The following ATRX variants were observed in gnomAD, a reference collection of about 807,000 sequenced individuals.
ATRX encodes the protein chromatin remodeler ATRX.
In ATRX, 12 loss-of-function variants were observed where a neutral mutation model predicts 172.6. The observed-to-expected ratio is 0.07, with a 90% confidence interval of 0.04 to 0.11. The LOEUF (loss-of-function observed/expected upper bound fraction) is 0.11. Ranked by LOEUF, ATRX falls within the 10% of genes least tolerant of loss-of-function variation. The pLI is 1.00. For missense variants in ATRX, 1,368 were observed against 1,767.4 expected, an observed-to-expected ratio of 0.77 and a Z score of 4.05; for synonymous variants, 674 against 594.7, an observed-to-expected ratio of 1.13 and a Z score of -1.94.
At chrX:77,582,763 T>C (rs2065872061) in intron 27 of ATRX, among the ~76,000 whole-genome samples, 2 of 111,897 alleles carry the variant, frequency 1.8e-5, no homozygotes, top group South Asian at 7.4e-4. Flanking sequence ...GATAAATTTC[T>C]AGACACACAC....
Position 77,599,432 on chromosome X carries a change from CAGA to C in ATRX, c.5932_5934del (p.Ser1978del), listed in dbSNP as rs1329663332. The C allele has an allele frequency of 6.6e-6, 8 of 1,208,673 alleles. No individual in the cohort carries two copies. The African/African-American group carries it at 1.4e-4, about 21-fold the overall frequency. ...TCACTTTCTTCCAGTTTTAAAGAAA[CAGA>C]AGGATTGTTTCCTGTTTCATCCACA... On this transcript the variant is annotated inframe_deletion, in exon 25 of 35. Coordinates refer to ENST00000373344, the MANE Select transcript of ATRX (RefSeq NM_000489.6).
chrX:77,515,820 C>T (rs1381383570), intron 34 of ATRX, among the ~76,000 whole-genome samples: 3 of 111,805 alleles, frequency 2.7e-5, no homozygotes, highest in African/African-American at 6.5e-5. Flanking sequence ...AAAGCTGAGC[C>T]CAGATCTCAG....
At chrX:77,746,340 G>C (rs1362985126) in intron 1 of ATRX, among the ~76,000 whole-genome samples, 2 of 110,964 alleles carry the variant, frequency 1.8e-5, no homozygotes, top group Non-Finnish European at 3.8e-5. Flanking sequence ...ATTCCTTTGA[G>C]AATGTTTAGA....
chrX:77,692,100 C>T (rs1458410748), intron 6 of ATRX, among the ~76,000 whole-genome samples: 1 of 111,692 alleles, frequency 9.0e-6, no homozygotes, highest in African/African-American at 3.3e-5. Context: ...AGCCCTTATC[C>T]ACATTTCAGA....
chrX:77,648,763 T>A (rs1784162592), intron 15 of ATRX, among the ~76,000 whole-genome samples: 1 of 108,837 alleles, frequency 9.2e-6, no homozygotes, highest in East Asian at 2.9e-4. Flanking sequence ...ATAAACAAAT[T>A]TACATAAATA....
intron 22 of ATRX, among the ~76,000 whole-genome samples, chrX:77,610,035 A>G (rs1419541439): frequency 8.9e-6 from 1 of 112,126 alleles, no homozygotes; most frequent in Non-Finnish European, 1.9e-5. Flanking sequence ...CTTGAGATGG[A>G]TACCTCATTT....
At chrX:77,541,368 C>G (rs2063986734) in intron 30 of ATRX, among the ~76,000 whole-genome samples, 1 of 112,030 alleles carries the variant, frequency 8.9e-6, no homozygotes, top group Non-Finnish European at 1.9e-5. Flanking sequence ...GATGGATTCA[C>G]AGCTGAATTC....
chrX:77,599,613 ACATT>A, intron 24 of ATRX, 33 bp from the exon 25 acceptor site: 2 of 1,202,960 alleles, frequency 1.7e-6, no homozygotes, highest in Non-Finnish European at 2.3e-6. Context: ...ACAAAAAAAC[ACATT>A]CAGATTGTTA....
chrX:77,606,842 A>G (rs1298409230), intron 22 of ATRX, among the ~76,000 whole-genome samples: 2 of 111,153 alleles, frequency 1.8e-5, no homozygotes, highest in African/African-American at 6.5e-5. Flanking sequence ...ATGGAAATCA[A>G]TCAATGTGAT....
chrX:77,773,711 G>A (rs782803498), intron 1 of ATRX, among the ~76,000 whole-genome samples: 175 of 108,773 alleles, frequency 1.6e-3, no homozygotes, highest in Middle Eastern at 4.7e-3. Flanking sequence ...GAGATCGCAC[G>A]TCTGCACACC....
At chrX:77,546,995 G>A (rs1363821809) in intron 30 of ATRX, among the ~76,000 whole-genome samples, 1 of 111,891 alleles carries the variant, frequency 8.9e-6, no homozygotes, top group Non-Finnish European at 1.9e-5. Context: ...ATAGAGTGAT[G>A]AAGATGCATT....
At chrX:77,740,002 G>A (rs1400611748) in intron 1 of ATRX, among the ~76,000 whole-genome samples, 5 of 92,727 alleles carry the variant, frequency 5.4e-5, no homozygotes, top group African/African-American at 1.6e-4. Flanking sequence ...TTAGTGAGCC[G>A]AGATTGCGCC....
At chrX:77,549,979 TG>T in intron 30 of ATRX, among the ~76,000 whole-genome samples, 1 of 111,236 alleles carries the variant, frequency 9.0e-6, no homozygotes. Flanking sequence ...TGAAATGAAA[TG>T]AAATGAAATA....
intron 1 of ATRX, among the ~76,000 whole-genome samples, chrX:77,755,853 C>G (rs782372804): frequency 8.9e-6 from 1 of 112,249 alleles, no homozygotes; most frequent in East Asian, 2.8e-4. Context: ...TAGCAGAGCT[C>G]AAGTGCTGTG....
At position 77,616,203 on chromosome X, in the gene ATRX, G is replaced by C. The variant is rs781908381; in HGVS notation, c.5566+410C>G. 269 of 833,310 alleles carry C rather than the reference G, an allele frequency of 3.2e-4. No homozygotes were observed. The African/African-American group carries it at 5.5e-3, about 17-fold the overall frequency. 68.7% of individuals were successfully genotyped at this position (833,310 alleles called of 1,213,427 possible). A position where few individuals can be genotyped will look rare whatever the true frequency, so the allele number is the denominator to read the frequency against. ...ATGCCTTGCCTTCTATTTTACTTTTGCCTTCAACCTTTGTTAATTAAATAA... is the reference window on the plus strand; with the variant it reads ...ATGCCTTGCCTTCTATTTTACTTTTCCCTTCAACCTTTGTTAATTAAATAA... On this transcript the variant is annotated intron_variant, in intron 22 of 34. Transcript: ENST00000373344.
rs781998180 is a variant in ATRX at position 77,681,551 on chromosome X, C to T, written c.3705G>A (p.Leu1235=). 8.3e-7 allele frequency: 1 copy of T among 1,210,145 alleles called. No individual in the cohort carries two copies. The highest frequency in any genetic ancestry group is 2.2e-5 in the Admixed American group (1 of 45,815). ...ATTGGCAAAATCCAGTATGTGAAGA[C>T]AGCACTAAATTTTCAGTCACAGGCT... The part of the protein sequence containing the change: ...KIKPVTENLV[L]SSHTGFCQSS... The change falls in exon 9 of 35, where the codon CTG becomes CTA. Residue 1235 remains leucine (L), a synonymous_variant. Coordinates refer to ENST00000373344, the MANE Select transcript of ATRX (RefSeq NM_000489.6).
At chrX:77,518,788 A>G (rs1195840317) in intron 34 of ATRX, among the ~76,000 whole-genome samples, 1 of 112,091 alleles carries the variant, frequency 8.9e-6, no homozygotes, top group African/African-American at 3.2e-5. Context: ...ACAGCATGGT[A>G]CTGGCATAAA....
At chrX:77,777,291 G>C (rs868971589) in intron 1 of ATRX, among the ~76,000 whole-genome samples, 1 of 105,402 alleles carries the variant, frequency 9.5e-6, no homozygotes, top group African/African-American at 3.5e-5. Context: ...TGAGGCATGA[G>C]AATCGCTTGA....
chrX:77,591,200 C>CCCT (rs2066235559), intron 26 of ATRX, among the ~76,000 whole-genome samples: 3 of 111,695 alleles, frequency 2.7e-5, no homozygotes, highest in African/African-American at 9.7e-5. Context: ...TGTTACTGTT[C>CCCT]CCTTACCCTC....
Sources: allele counts gnomAD v4.1 joint callset (sites outside exome capture counted in the v4.1 genomes callset), GRCh38; gene constraint gnomAD v4.1.1; transcripts MANE v1.5; gene names NCBI Gene and HGNC (gene_info 2026-07-23, HGNC 2026-07-21).